SLC28A3: variants seen among roughly 807,000 people sequenced by gnomAD.
The protein encoded by SLC28A3 is concentrative Na(+)-nucleoside cotransporter 3.
A neutral mutation model predicts 84.2 loss-of-function variants in SLC28A3; 68 were observed. The ratio of observed to expected loss-of-function variants is 0.81; its 90% confidence interval spans 0.66 to 0.99. The LOEUF is 0.99. Ranked by LOEUF, SLC28A3 falls within the 50% of genes least tolerant of loss-of-function variation. SLC28A3 has a pLI of 0.00. For synonymous variants in SLC28A3, 267 were observed against 303.6 expected (o/e 0.88, Z 1.25); for missense variants, 712 against 841.5 (o/e 0.85, Z 1.90).
intron 8 of SLC28A3, among the ~76,000 whole-genome samples, 160 bp downstream of exon 8, chr9:84,297,061 T>A (rs1019058635): frequency 6.6e-6 from 1 of 152,204 alleles, no homozygotes; most frequent in Non-Finnish European, 1.5e-5. Context: ...TAACTTCAGA[T>A]AACATTGTCA....
At chr9:84,366,422 T>C in the SLC28A3 span, among the ~76,000 whole-genome samples, 2 of 152,248 alleles carry the variant, frequency 1.3e-5, no homozygotes, top group East Asian at 3.9e-4. Context: ...TGAAGTCTTG[T>C]TTTCCTGGAT....
chr9:84,305,464 C>T lies in SLC28A3; in HGVS notation c.243-119G>A, dbSNP rs117974883. ...AAGGCAAACAAACACATGTGTGAGG[C>T]GTATGTCTTACAAAATAGAAATGGG... On this transcript the variant is annotated intron_variant, in intron 3 of 17. Transcript: ENST00000376238. 6.9e-3 allele frequency: 5,409 copies of T among 789,566 alleles called. 89 individuals carry two copies. Among genetic ancestry groups the T allele is most frequent in the Non-Finnish European group, 5.2e-3 (2,421 of 469,692 alleles). The allele number at this position is 789,566 out of a possible 1,614,324, so 48.9% of individuals were successfully genotyped here.
At chr9:84,319,573 C>T (rs887200543) in intron 1 of SLC28A3, among the ~76,000 whole-genome samples, 1 of 152,088 alleles carries the variant, frequency 6.6e-6, no homozygotes. Context: ...CTCCAAGATA[C>T]CATTACCCTT....
chr9:84,320,988 AAG>A (rs1826357470), intron 1 of SLC28A3, among the ~76,000 whole-genome samples: 2 of 151,208 alleles, frequency 1.3e-5, no homozygotes, highest in South Asian at 4.2e-4. Context: ...AAAAAAAAGA[AAG>A]AAAAGCTTTC....
At chr9:84,282,322 A>G (rs1824787780) in intron 14 of SLC28A3, among the ~76,000 whole-genome samples, 1 of 151,906 alleles carries the variant, frequency 6.6e-6, no homozygotes, top group Non-Finnish European at 1.5e-5. Flanking sequence ...ATGATAGTCT[A>G]TATGTCGATT....
chr9:84,349,462 C>T, the SLC28A3 span, among the ~76,000 whole-genome samples: 2 of 152,224 alleles, frequency 1.3e-5, no homozygotes, highest in African/African-American at 2.4e-5. Context: ...GTCTTGAACT[C>T]CTGACTTCAA....
chr9:84,332,304 C>T (rs566744731), intron 1 of SLC28A3, among the ~76,000 whole-genome samples: 85 of 152,130 alleles, frequency 5.6e-4, no homozygotes, highest in Non-Finnish European at 9.1e-4. Context: ...GAGCTAAATC[C>T]TCATCTGTCA....
At chr9:84,315,953 T>C (rs185308433) in intron 1 of SLC28A3, among the ~76,000 whole-genome samples, 2 of 152,330 alleles carry the variant, frequency 1.3e-5, no homozygotes, top group East Asian at 3.9e-4. Flanking sequence ...GTAAGAAAGG[T>C]GAGGGAATTG....
chr9:84,334,842 G>A (rs1474418968), intron 1 of SLC28A3, among the ~76,000 whole-genome samples: 1 of 152,044 alleles, frequency 6.6e-6, no homozygotes, highest in Non-Finnish European at 1.5e-5. Flanking sequence ...CAAGTCAAGT[G>A]AACCCGTGGC....
chr9:84,353,658 C>T, the SLC28A3 span, among the ~76,000 whole-genome samples: 27 of 152,074 alleles, frequency 1.8e-4, no homozygotes, highest in African/African-American at 5.8e-4. Flanking sequence ...TGCAATGAGC[C>T]GAGACTGAGC....
intron 2 of SLC28A3, among the ~76,000 whole-genome samples, chr9:84,312,460 A>G (rs1194995884): frequency 6.6e-6 from 1 of 151,574 alleles, no homozygotes; most frequent in Non-Finnish European, 1.5e-5. Flanking sequence ...AGTTTTCCAA[A>G]TTGTCTACTT....
intron 1 of SLC28A3, among the ~76,000 whole-genome samples, chr9:84,335,404 C>G (rs1465843370): frequency 6.6e-6 from 1 of 152,084 alleles, no homozygotes; most frequent in Non-Finnish European, 1.5e-5. Flanking sequence ...AAAACTTAGC[C>G]AGTTGTGGTA....
At chr9:84,307,346 G>C (rs998092640) in intron 3 of SLC28A3, among the ~76,000 whole-genome samples, 6 of 150,116 alleles carry the variant, frequency 4.0e-5, no homozygotes, top group African/African-American at 1.5e-4. Flanking sequence ...CAGGAGAATC[G>C]CTTGAATCTA....
At chr9:84,299,109 C>T (rs1007312524) in intron 6 of SLC28A3, among the ~76,000 whole-genome samples, 9 of 152,088 alleles carry the variant, frequency 5.9e-5, no homozygotes, top group African/African-American at 1.9e-4. Flanking sequence ...GCCCATTTCA[C>T]GGGTTACCAG....
chr9:84,336,593 T>G (rs1826984053), intron 1 of SLC28A3, among the ~76,000 whole-genome samples: 1 of 152,148 alleles, frequency 6.6e-6, no homozygotes, highest in Non-Finnish European at 1.5e-5. Flanking sequence ...GGAGGATTGC[T>G]TGAGCCTGGG....
chr9:84,305,408 G>A (rs1409130796), intron 3 of SLC28A3, 63 bp from the exon 4 acceptor site: 5 of 1,334,426 alleles, frequency 3.7e-6, no homozygotes, highest in Non-Finnish European at 5.4e-6. Flanking sequence ...TAAACTGCAT[G>A]GTGAGGCTAG....
Position 84,336,230 on chromosome 9 carries a change from G to T in SLC28A3, c.60+4344C>A, listed in dbSNP as rs149238484. On this transcript the variant is annotated intron_variant, in intron 1 of 17. Transcript: ENST00000376238. ...AAAATACAAGAATTAGGTCGGGCAC[G>T]GTGGCTCACGCCTGTAATCCCAGCA... 4.5e-3 allele frequency among the ~76,000 whole-genome samples: 682 copies of T among 151,982 alleles called. 12 individuals carry two copies. Among genetic ancestry groups the T allele is most frequent in the African/African-American group, 0.016 (660 of 41,468 alleles).
rs796216636 is a variant in SLC28A3 at position 84,284,629 on chromosome 9, T to G, written c.1647+716A>C. ...TCCTTAAGAGTTTCCAGTGTGACAA[T>G]TCTGTTCTCCAGGGAAGAAAGTTGC... On this transcript the variant is annotated intron_variant, in intron 14 of 17. Coordinates refer to ENST00000376238, the MANE Select transcript of SLC28A3 (RefSeq NM_001199633.2). 1.1e-4 allele frequency among the ~76,000 whole-genome samples: 17 copies of G among 152,342 alleles called. 1 individual carries two copies. Among genetic ancestry groups the G allele is most frequent in the African/African-American group, 4.1e-4 (17 of 41,578 alleles).
chr9:84,290,080 A>G, intron 11 of SLC28A3, 74 bp downstream of exon 11: 2 of 1,555,784 alleles, frequency 1.3e-6, no homozygotes, highest in Non-Finnish European at 1.7e-6. Context: ...TTCCACCAGC[A>G]ATGGAAAAGA....
Sources: allele counts gnomAD v4.1 joint callset (sites outside exome capture counted in the v4.1 genomes callset), GRCh38; gene constraint gnomAD v4.1.1; transcripts MANE v1.5; gene names NCBI Gene and HGNC (gene_info 2026-07-23, HGNC 2026-07-21).